Variants in OTUD7B observed in about 807,000 individuals in gnomAD.
OTUD7B encodes the protein OTU domain-containing protein 7B.
A neutral mutation model predicts 82.2 loss-of-function variants in OTUD7B; 34 were observed. The observed-to-expected ratio is 0.41, with a 90% confidence interval of 0.31 to 0.55. OTUD7B has a LOEUF of 0.55. OTUD7B is among the 20% of genes least tolerant of loss of function. The pLI, the probability that OTUD7B is intolerant of heterozygous loss-of-function variation, is 0.20. For missense variants in OTUD7B, 944 were observed against 1,062.1 expected, an observed-to-expected ratio of 0.89 and a Z score of 1.55; for synonymous variants, 398 against 402.7, an observed-to-expected ratio of 0.99 and a Z score of 0.14.
the OTUD7B span, among the ~76,000 whole-genome samples, chr1:150,052,280 T>C: frequency 6.6e-6 from 1 of 152,206 alleles, no homozygotes; most frequent in African/African-American, 2.4e-5. Context: ...CCCCATAGTC[T>C]TGGCTCAAAA....
In OTUD7B at chr1:149,944,648, C is replaced by T. The variant is rs1274208494; in HGVS notation, c.1741G>A (p.Val581Ile). ...CTATACTTGCTCCCTCCGTTACCAA[C>T]AGACTCAGCTGGGGGCTTCTCAGAC... is the stretch of plus-strand genomic sequence containing the variant. Reference protein sequence around the residue: ...PVSEKPPAESVGNGGSKYSQE... With the variant: ...PVSEKPPAESIGNGGSKYSQE... The change falls in exon 12 of 12, where the codon GTT becomes ATT. Residue 581 changes from valine (V) to isoleucine (I), a missense_variant. Val to Ile is a conservative substitution (Grantham distance 29). Transcript: ENST00000581312. 4 of 1,614,048 alleles carry T rather than the reference C, an allele frequency of 2.5e-6. No homozygotes were observed. The highest frequency in any genetic ancestry group is 3.4e-6 in the Non-Finnish European group (4 of 1,180,026).
In OTUD7B at chr1:149,949,057, A is replaced by T. The variant is rs782657088; in HGVS notation, c.1150T>A (p.Tyr384Asn). Residue 384 changes from tyrosine (Y) to asparagine (N), a missense_variant, in exon 10 of 12, where the codon TAT becomes AAT. By Grantham distance (143) the Tyr-to-Asn change is moderately radical. This residue lies in a region of OTUD7B where 530 missense variants were observed against 625.6 expected (regional missense o/e 0.85). Transcript: ENST00000581312. ...GCAAAGTGCAAGGGCAGCAGCTTAT[A>T]CTCTGAATCTGTAAGTGGGATCACA... ...QAVIPLTDSEYKLLPLHFAVD... is the reference protein window; with the variant it reads ...QAVIPLTDSENKLLPLHFAVD... 3 of 1,613,044 alleles carry T rather than the reference A, an allele frequency of 1.9e-6. No homozygotes were observed. In the South Asian group the frequency reaches 3.3e-5, roughly 18 times the overall value.
At chr1:150,027,402 G>A in the OTUD7B span, among the ~76,000 whole-genome samples, 14 of 152,040 alleles carry the variant, frequency 9.2e-5, no homozygotes, top group South Asian at 2.1e-4. Context: ...CCTGGCCAAC[G>A]TGGTGACATC....
At chr1:149,950,789 G>GTTTTTTTTTTTTTTTTT (rs76513068) in intron 7 of OTUD7B, among the ~76,000 whole-genome samples, 4 of 132,726 alleles carry the variant, frequency 3.0e-5, no homozygotes, top group Non-Finnish European at 3.2e-5. Context: ...TGTGTTTTTT[G>GTTTTTTTTTTTTTTTTT]TTTTTTTTTC....
Position 149,943,770 on chromosome 1 carries a change from C to T in OTUD7B, c.*87G>A, listed in dbSNP as rs1412127143. Reference sequence around the variant, plus strand: ...TCCCACAAACATTACTGCATTTTCCCCCTCAACATGGGGACTGTGTTCTTG... The same window carrying T: ...TCCCACAAACATTACTGCATTTTCCTCCTCAACATGGGGACTGTGTTCTTG... On this transcript the variant is annotated 3_prime_UTR_variant, in exon 12 of 12. Transcript: ENST00000581312. 4.5e-6 allele frequency: 6 copies of T among 1,327,278 alleles called. No homozygotes were observed. The African/African-American group carries it at 5.8e-5, about 13-fold the overall frequency. The allele number at this position is 1,327,278 out of a possible 1,614,324, so 82.2% of individuals were successfully genotyped here. A position where few individuals can be genotyped will look rare whatever the true frequency, so the allele number is the denominator to read the frequency against.
At chr1:150,013,794 C>T (rs1553787881), upstream of OTUD7B, among the ~76,000 whole-genome samples, 3 of 150,062 alleles carry the variant, frequency 2.0e-5, no homozygotes, top group Non-Finnish European at 4.4e-5. Flanking sequence ...AGGTGGCGGG[C>T]GCCTGTAGTC....
Position 149,941,462 on chromosome 1 carries a change from C to T in OTUD7B, c.*2395G>A, listed in dbSNP as rs1300309457. On this transcript the variant is annotated 3_prime_UTR_variant, in exon 12 of 12. Coordinates refer to ENST00000581312, the MANE Select transcript of OTUD7B (RefSeq NM_020205.4). The stretch of plus-strand genomic sequence containing the variant: ...GTGGAGGCGCACACAGTGGTGTTCT[C>T]GCTAGTGTTCAAATCACAGAAACAG... 1 of 152,220 alleles carries T rather than the reference C, an allele frequency of 6.6e-6. No individual in the cohort carries two copies. The allele number at this position is 152,220 out of a possible 1,614,324, so 9.4% of individuals were successfully genotyped here. A position where few individuals can be genotyped will look rare whatever the true frequency, so the allele number is the denominator to read the frequency against.
At position 149,977,467 on chromosome 1, in the gene OTUD7B, GA is replaced by G. The variant is rs1650405133; in HGVS notation, c.43del (p.Ser15ProfsTer8). On this transcript the variant is annotated frameshift_variant, in exon 2 of 12. Coordinates refer to ENST00000581312, the MANE Select transcript of OTUD7B (RefSeq NM_020205.4). LOFTEE classifies it high-confidence loss of function. ...CGCTAGCCCTGGCTCTGCTCCTGTG[GA>G]ACGGACAAAATCTGACAGAACAGCA... is the stretch of plus-strand genomic sequence containing the variant. ...MDAVLSDFVR[S>X]TGAEPGLARD... The G allele has an allele frequency of 1.9e-6, 3 of 1,614,080 alleles. No individual in the cohort carries two copies. Among genetic ancestry groups the G allele is most frequent in the Non-Finnish European group, 2.5e-6 (3 of 1,179,988 alleles).
At chr1:149,992,489 T>A (rs1651656059) in intron 1 of OTUD7B, among the ~76,000 whole-genome samples, 1 of 1,324 alleles carries the variant, frequency 7.6e-4, no homozygotes. Flanking sequence ...TTTTTTTTTT[T>A]TTTTAGTACA....
At chr1:149,984,595 A>T (rs1351311973) in intron 1 of OTUD7B, among the ~76,000 whole-genome samples, 1 of 152,130 alleles carries the variant, frequency 6.6e-6, no homozygotes. Flanking sequence ...CACAGCCCTA[A>T]GCACCCAAAT....
At chr1:149,977,601 G>T in intron 1 of OTUD7B, 25 bp from the exon 2 acceptor site, 1 of 884,606 alleles carries the variant, frequency 1.1e-6, no homozygotes, top group Non-Finnish European at 1.9e-6. Flanking sequence ...AATACATAAG[G>T]CTCAAATTAC....
chr1:149,948,365 TTTC>T (rs1647916497), intron 10 of OTUD7B, among the ~76,000 whole-genome samples: 1 of 31,712 alleles, frequency 3.2e-5, no homozygotes, highest in Admixed American at 4.7e-4. Flanking sequence ...TTATCCTGAT[TTTC>T]TTTCTTTCTT....
chr1:149,959,402 C>T (rs916046286), intron 7 of OTUD7B, among the ~76,000 whole-genome samples: 3 of 152,122 alleles, frequency 2.0e-5, no homozygotes, highest in Admixed American at 2.0e-4. Flanking sequence ...CCTACAAGTT[C>T]CTGGTCCCTT....
intron 1 of OTUD7B, among the ~76,000 whole-genome samples, chr1:149,979,099 C>T (rs1394821364): frequency 4.0e-5 from 6 of 150,830 alleles, no homozygotes; most frequent in South Asian, 2.1e-4. Flanking sequence ...GATCCATGAG[C>T]GCAGGGACAC....
chr1:150,067,416 T>C, the OTUD7B span: 2 of 162,436 alleles, frequency 1.2e-5, no homozygotes, highest in Non-Finnish European at 1.3e-5. Context: ...CTCACTGCCA[T>C]GCAAGAAAGC....
At position 149,943,729 on chromosome 1, in the gene OTUD7B, A is replaced by T; in HGVS notation, c.*128T>A. 1 of 1,060,770 alleles carries T rather than the reference A, an allele frequency of 9.4e-7. No homozygotes were observed. The highest frequency in any genetic ancestry group is 1.4e-6 in the Non-Finnish European group (1 of 711,280). The allele number at this position is 1,060,770 out of a possible 1,614,324, so 65.7% of individuals were successfully genotyped here. ...AGCACTCCTGTGTGCACACACTTAA[A>T]AGTTTCCAGCCAGGCTCCCACAAAC... On this transcript the variant is annotated 3_prime_UTR_variant, in exon 12 of 12. Transcript: ENST00000581312.
the OTUD7B span, among the ~76,000 whole-genome samples, chr1:150,062,163 C>T: frequency 6.6e-6 from 1 of 152,070 alleles, no homozygotes; most frequent in African/African-American, 2.4e-5. Flanking sequence ...TGGGAGTTTC[C>T]ATGGAAGGAA....
At chr1:150,066,748 G>C in the OTUD7B span, among the ~76,000 whole-genome samples, 5 of 152,290 alleles carry the variant, frequency 3.3e-5, no homozygotes, top group South Asian at 2.1e-4. This position sits in a 1 kb window ranked among gnomAD's most constrained non-coding sequence, Gnocchi z 4.6. Context: ...ATTCCCCAAA[G>C]TAAAGGTGCG....
In OTUD7B at chr1:149,944,444, C is replaced by T; in HGVS notation, c.1945G>A (p.Glu649Lys). 5.0e-6 allele frequency: 8 copies of T among 1,614,188 alleles called. No individual in the cohort carries two copies. The highest frequency in any genetic ancestry group is 5.9e-6 in the Non-Finnish European group (7 of 1,180,030). Residue 649 changes from glutamate to lysine, a missense_variant, in exon 12 of 12, where the codon GAG becomes AAG. By Grantham distance (56) the Glu-to-Lys change is moderately conservative. This residue lies in a region of OTUD7B where 412 missense variants were observed against 418.7 expected (regional missense o/e 0.98). Coordinates refer to ENST00000581312, the MANE Select transcript of OTUD7B (RefSeq NM_020205.4). ...ATTCCTCCATTCATGATCTTCCTCT[C>T]TGCCTCCTTCTGCTTCTGTTCTGCC... is the stretch of plus-strand genomic sequence containing the variant. ...FLAEQKQKEAERKIMNGGIGG... is the reference protein window; with the variant it reads ...FLAEQKQKEAKRKIMNGGIGG...
Sources: gnomAD v4.1 joint callset for allele counts (sites outside exome capture counted in the v4.1 genomes callset) on GRCh38, gnomAD v4.1.1 for gene constraint, gnomAD v4.1.1 regional missense constraint, Gnocchi (gnomAD v3.1) non-coding constraint, MANE v1.5 for transcripts, NCBI Gene and HGNC (gene_info 2026-07-23, HGNC 2026-07-21) for gene names.